The following TMEM26 variants were observed in gnomAD, a reference collection of about 807,000 sequenced individuals.
TMEM26 encodes transmembrane protein 26.
Under a neutral mutation model 28.8 loss-of-function variants are expected in TMEM26, and 38 were observed. That is an observed-to-expected ratio of 1.32 (90% CI 1.02 to 1.73). TMEM26 has a LOEUF of 1.73. TMEM26 is among the 40% of genes most tolerant of loss of function. The probability of loss-of-function intolerance (pLI) is 0.00; values close to 1 mark genes in which losing one functional copy is unlikely to be tolerated. For missense variants in TMEM26, 518 were observed against 447.1 expected (o/e 1.16, Z -1.43); for synonymous variants, 227 against 182.9 (o/e 1.24, Z -1.95).
intron 1 of TMEM26, among the ~76,000 whole-genome samples, chr10:61,447,914 G>A (rs1840212395): frequency 6.6e-6 from 1 of 152,096 alleles, no homozygotes; most frequent in Admixed American, 6.5e-5. Context: ...TTGTTCACTT[G>A]TTTTCTGTTA....
In TMEM26 at chr10:61,453,155, C is replaced by A; in HGVS notation, c.-74G>T. The A allele has an allele frequency of 1.3e-6, 2 of 1,494,786 alleles. No homozygotes were observed. The highest frequency in any genetic ancestry group is 1.8e-6 in the Non-Finnish European group (2 of 1,096,160). The allele number at this position is 1,494,786 out of a possible 1,614,324, so 92.6% of individuals were successfully genotyped here. A position where few individuals can be genotyped will look rare whatever the true frequency, so the allele number is the denominator to read the frequency against. On this transcript the variant is annotated 5_prime_UTR_variant, in exon 1 of 6. Transcript: ENST00000399298. Reference sequence around the variant, plus strand: ...CCTGCCGGGCGTGCCCGGAGCCCACCGGTGAGCAGGAATATGACAAGCACT... The same window carrying A: ...CCTGCCGGGCGTGCCCGGAGCCCACAGGTGAGCAGGAATATGACAAGCACT...
At chr10:61,450,765 GA>G (rs1034761583) in intron 1 of TMEM26, among the ~76,000 whole-genome samples, 2 of 151,834 alleles carry the variant, frequency 1.3e-5, no homozygotes, top group Non-Finnish European at 2.9e-5. Context: ...ATAAAGGTGA[GA>G]ATTTTTTTTT....
rs1839503272 is a variant in TMEM26 at position 61,406,840 on chromosome 10, G to A, written c.*3482C>T. On this transcript the variant is annotated 3_prime_UTR_variant, in exon 6 of 6. Coordinates refer to ENST00000399298, the MANE Select transcript of TMEM26 (RefSeq NM_178505.8). ...CAAACATTGTTTAAAGTTACTCCCTGCATATGGAAACTTATTTGAAGCCTC... is the reference window on the plus strand; with the variant it reads ...CAAACATTGTTTAAAGTTACTCCCTACATATGGAAACTTATTTGAAGCCTC... 1 of 151,958 alleles carries A rather than the reference G, an allele frequency of 6.6e-6. No homozygotes were observed. Among genetic ancestry groups the A allele is most frequent in the African/African-American group, 2.4e-5 (1 of 41,372 alleles). The allele number at this position is 151,958 out of a possible 1,614,324, so 9.4% of individuals were successfully genotyped here.
At chr10:61,429,288 A>G (rs1199616309) in intron 3 of TMEM26, 142 bp from the exon 4 acceptor site, 1 of 677,280 alleles carries the variant, frequency 1.5e-6, no homozygotes, top group Admixed American at 2.9e-5. Context: ...TAAAGAAAGT[A>G]AAATGCCTTT....
chr10:61,449,375 G>A (rs759428725), intron 1 of TMEM26, among the ~76,000 whole-genome samples: 14 of 152,134 alleles, frequency 9.2e-5, no homozygotes, highest in African/African-American at 9.7e-5. Flanking sequence ...TCCAACTGGC[G>A]AGTTACTAGT....
At chr10:61,443,960 C>A (rs185564664) in intron 1 of TMEM26, among the ~76,000 whole-genome samples, 1 of 152,304 alleles carries the variant, frequency 6.6e-6, no homozygotes, top group Admixed American at 6.5e-5. Context: ...AAAAGAAAAT[C>A]ATGGCATCCT....
At chr10:61,431,160 G>T in intron 3 of TMEM26, 59 bp downstream of exon 3, 1 of 1,376,364 alleles carries the variant, frequency 7.3e-7, no homozygotes, top group Non-Finnish European at 1.0e-6. Context: ...AGGTAATTGA[G>T]GATTATACCA....
rs755578744 is a variant in TMEM26 at position 61,436,157 on chromosome 10, C to T, written c.270+13G>A. 6.4e-7 allele frequency: 1 copy of T among 1,560,900 alleles called. No individual in the cohort carries two copies. Among genetic ancestry groups the T allele is most frequent in the East Asian group, 2.3e-5 (1 of 44,428 alleles). The stretch of plus-strand genomic sequence containing the variant: ...GCTGAATAGGTCAATTCCTACTTTC[C>T]AAAAAGAAGTACCTGGGTCTCATGG... On this transcript the variant is annotated intron_variant, in intron 2 of 5. Coordinates refer to ENST00000399298, the MANE Select transcript of TMEM26 (RefSeq NM_178505.8).
At chr10:61,452,350 C>G (rs921031022) in intron 1 of TMEM26, among the ~76,000 whole-genome samples, 1 of 152,208 alleles carries the variant, frequency 6.6e-6, no homozygotes, top group Non-Finnish European at 1.5e-5. Context: ...AGAGAACGCG[C>G]GACGCGCGCG....
At chr10:61,450,842 C>T (rs1287079117) in intron 1 of TMEM26, among the ~76,000 whole-genome samples, 1 of 151,730 alleles carries the variant, frequency 6.6e-6, no homozygotes, top group African/African-American at 2.4e-5. Flanking sequence ...CTGACTTGTG[C>T]GGACATAAAG....
chr10:61,426,450 C>T (rs763475802), intron 4 of TMEM26, among the ~76,000 whole-genome samples: 1 of 151,970 alleles, frequency 6.6e-6, no homozygotes, highest in Non-Finnish European at 1.5e-5. Context: ...GAAAAAGTTG[C>T]AGAATCAGAA....
intron 4 of TMEM26, among the ~76,000 whole-genome samples, chr10:61,421,535 C>T (rs1489015675): frequency 6.6e-6 from 1 of 151,986 alleles, no homozygotes; most frequent in Non-Finnish European, 1.5e-5. Flanking sequence ...GGGCCCTAAT[C>T]CAATGACTAT....
intron 2 of TMEM26, among the ~76,000 whole-genome samples, chr10:61,431,936 T>C (rs1839929930): frequency 6.6e-6 from 1 of 152,048 alleles, no homozygotes. Context: ...TTTGTGTCCA[T>C]GTGTATTCAG....
chr10:61,428,138 T>C (rs1194516827), intron 4 of TMEM26, among the ~76,000 whole-genome samples: 1 of 152,128 alleles, frequency 6.6e-6, no homozygotes, highest in Non-Finnish European at 1.5e-5. Flanking sequence ...AAGCACAGCA[T>C]AAAGTAAACT....
At chr10:61,433,577 A>G (rs1282785920) in intron 2 of TMEM26, among the ~76,000 whole-genome samples, 1 of 152,136 alleles carries the variant, frequency 6.6e-6, no homozygotes, top group Non-Finnish European at 1.5e-5. Context: ...ATTGTCATAA[A>G]CGTTTTGTTC....
chr10:61,448,217 C>T (rs1045975769), intron 1 of TMEM26, among the ~76,000 whole-genome samples: 1 of 152,266 alleles, frequency 6.6e-6, no homozygotes. Flanking sequence ...GGATGCAGCT[C>T]TCACCCATTC....
chr10:61,421,676 C>T (rs1037054618), intron 4 of TMEM26, among the ~76,000 whole-genome samples: 1 of 152,084 alleles, frequency 6.6e-6, no homozygotes, highest in African/African-American at 2.4e-5. Context: ...CTAGCCACCA[C>T]CAGAAACTAG....
At chr10:61,415,477 A>T (rs530256351) in intron 4 of TMEM26, among the ~76,000 whole-genome samples, 8 of 152,078 alleles carry the variant, frequency 5.3e-5, no homozygotes, top group African/African-American at 1.9e-4. Flanking sequence ...CATTCATGCC[A>T]GGCAGTTTTC....
intron 2 of TMEM26, among the ~76,000 whole-genome samples, chr10:61,435,360 C>T (rs1357677590): frequency 1.3e-5 from 2 of 152,104 alleles, no homozygotes; most frequent in Non-Finnish European, 2.9e-5. Flanking sequence ...CTTGTATTTT[C>T]GGTAGATACA....
Sources: allele counts gnomAD v4.1 joint callset (sites outside exome capture counted in the v4.1 genomes callset), GRCh38; gene constraint gnomAD v4.1.1; transcripts MANE v1.5; gene names NCBI Gene and HGNC (gene_info 2026-07-23, HGNC 2026-07-21).